The following TNRC6B variants were observed in gnomAD, a reference collection of about 807,000 sequenced individuals.
The protein encoded by TNRC6B is trinucleotide repeat containing adaptor 6B, also known as trinucleotide repeat-containing gene 6B protein.
In TNRC6B, 52 loss-of-function variants were observed where a neutral mutation model predicts 203.6. The ratio of observed to expected loss-of-function variants is 0.26; its 90% CI spans 0.20 to 0.32. The LOEUF (loss-of-function observed/expected upper bound fraction) is 0.32, where lower values mean the gene tolerates loss of function less well. Ranked by LOEUF, TNRC6B falls within the 10% of genes least tolerant of loss-of-function variation. The probability of loss-of-function intolerance (pLI) is 1.00; values close to 1 mark genes in which losing one functional copy is unlikely to be tolerated. For missense variants in TNRC6B, 1,923 were observed against 2,286.2 expected (o/e 0.84, Z 3.24); for synonymous variants, 838 against 845.7 (o/e 0.99, Z 0.16).
intron 3 of TNRC6B, among the ~76,000 whole-genome samples, chr22:40,144,784 T>C (rs1315028568): frequency 2.6e-5 from 4 of 151,926 alleles, no homozygotes; most frequent in African/African-American, 9.7e-5. Context: ...GTACATACTG[T>C]CAGATCCCAG....
intron 1 of TNRC6B, among the ~76,000 whole-genome samples, chr22:40,196,728 C>T (rs1216749422): frequency 6.6e-6 from 1 of 151,924 alleles, no homozygotes; most frequent in African/African-American, 2.4e-5. Context: ...GGTTCAGGCT[C>T]GCAGTTATGA....
At position 40,280,309 on chromosome 22, in the gene TNRC6B, C is replaced by G. The variant is rs113965319; in HGVS notation, c.3411+166C>G. ...GTGACCTGAAAACCATTGATGTCAA[C>G]AGGTGATCAGGCAAGAGCAAGAACC... On this transcript the variant is annotated intron_variant, in intron 10 of 22. Coordinates refer to ENST00000454349, the MANE Select transcript of TNRC6B (RefSeq NM_001162501.2). Among the ~76,000 whole-genome samples the G allele has an allele frequency of 9.8e-5, 15 of 152,314 alleles. 1 individual carries two copies. The highest frequency in any genetic ancestry group is 3.6e-4 in the African/African-American group (15 of 41,558).
At chr22:40,307,415 G>A (rs1286229392) in intron 15 of TNRC6B, among the ~76,000 whole-genome samples, 2 of 152,136 alleles carry the variant, frequency 1.3e-5, no homozygotes, top group Non-Finnish European at 2.9e-5. Flanking sequence ...TGCGCTCCCT[G>A]TGGCTCATTC....
Position 40,308,556 on chromosome 22 carries a change from G to A in TNRC6B, c.4165G>A (p.Glu1389Lys). 6.2e-7 allele frequency: 1 copy of A among 1,613,988 alleles called. No individual in the cohort carries two copies. Among genetic ancestry groups the A allele is most frequent in the Non-Finnish European group, 8.5e-7 (1 of 1,179,902 alleles). ...GMDYGMVGGK[E>K]AGTESRFKQW... ...GGACTATGGCATGGTTGGTGGGAAG[G>A]AGGCTGGAACCGAGTCTCGCTTTAA... is the stretch of plus-strand genomic sequence containing the variant. Residue 1389 changes from glutamate to lysine, a missense_variant, in exon 16 of 23, where the codon GAG becomes AAG. Coordinates refer to ENST00000454349, the MANE Select transcript of TNRC6B (RefSeq NM_001162501.2).
At position 40,156,226 on chromosome 22, in the gene TNRC6B, G is replaced by A. The variant is rs373875345; in HGVS notation, c.113+44G>A. 4.5e-5 allele frequency: 70 copies of A among 1,538,614 alleles called. No homozygotes were observed. The African/African-American group carries it at 5.2e-4, about 11-fold the overall frequency. ...AAAAAGAGTCCTATTACAGATCCTCGGAAACACTTTGGTTCAACATGCTGA... is the reference window on the plus strand; with the variant it reads ...AAAAAGAGTCCTATTACAGATCCTCAGAAACACTTTGGTTCAACATGCTGA... On this transcript the variant is annotated intron_variant, in intron 4 of 23. Coordinates refer to the TNRC6B transcript ENST00000301923.
chr22:40,112,296 C>A (rs554904832), intron 1 of TNRC6B, among the ~76,000 whole-genome samples: 7 of 152,276 alleles, frequency 4.6e-5, no homozygotes, highest in African/African-American at 1.4e-4. Context: ...AGGGACTAAA[C>A]CTGCTCCATG....
intron 3 of TNRC6B, among the ~76,000 whole-genome samples, chr22:40,253,082 T>A (rs914959170): frequency 6.7e-6 from 1 of 149,448 alleles, no homozygotes; most frequent in African/African-American, 2.6e-5. Context: ...TTAGGCATCT[T>A]TTCTTTTTTT....
At chr22:40,077,737 C>G (rs1029743008) in intron 1 of TNRC6B, among the ~76,000 whole-genome samples, 1 of 152,044 alleles carries the variant, frequency 6.6e-6, no homozygotes, top group Non-Finnish European at 1.5e-5. Flanking sequence ...GCTGAGATAA[C>G]CACTGTTAAC....
chr22:40,219,055 G>C (rs1482225520), intron 1 of TNRC6B, among the ~76,000 whole-genome samples: 1 of 152,224 alleles, frequency 6.6e-6, no homozygotes, highest in Non-Finnish European at 1.5e-5. Flanking sequence ...AAGCACAAAA[G>C]TATTAAGTTG....
At chr22:40,263,554 T>G (rs1187653897) in intron 4 of TNRC6B, among the ~76,000 whole-genome samples, 1 of 152,240 alleles carries the variant, frequency 6.6e-6, no homozygotes, top group African/African-American at 2.4e-5. Context: ...TTTCGGTTTC[T>G]ATGCTTTTTA....
intron 17 of TNRC6B, among the ~76,000 whole-genome samples, chr22:40,311,657 T>G (rs1276856038): frequency 6.6e-6 from 1 of 152,032 alleles, no homozygotes; most frequent in Non-Finnish European, 1.5e-5. Flanking sequence ...TTCTCCTGCC[T>G]CAGCCTCCCA....
At chr22:40,123,639 G>A (rs1033922588) in intron 2 of TNRC6B, among the ~76,000 whole-genome samples, 1 of 152,208 alleles carries the variant, frequency 6.6e-6, no homozygotes, top group African/African-American at 2.4e-5. Flanking sequence ...AGACAGTACA[G>A]CACCAGACCA....
intron 1 of TNRC6B, among the ~76,000 whole-genome samples, chr22:40,052,504 C>T (rs1157183044): frequency 2.2e-5 from 3 of 139,166 alleles, no homozygotes; most frequent in Admixed American, 7.7e-5. Context: ...TCACCCAGGC[C>T]GGAGTGCAGT....
chr22:40,107,475 C>T (rs1421038736), intron 1 of TNRC6B, among the ~76,000 whole-genome samples: 1 of 151,906 alleles, frequency 6.6e-6, no homozygotes, highest in Non-Finnish European at 1.5e-5. Flanking sequence ...TGATCTGTCC[C>T]GTCTTGTTAA....
intron 22 of TNRC6B, among the ~76,000 whole-genome samples, chr22:40,322,112 C>T (rs567113281): frequency 5.9e-5 from 9 of 152,206 alleles, no homozygotes; most frequent in Admixed American, 1.3e-4. Context: ...AGCCAGGTTG[C>T]TTCGATGCTT....
At chr22:40,062,001 G>A (rs2067857659) in intron 1 of TNRC6B, among the ~76,000 whole-genome samples, 1 of 152,064 alleles carries the variant, frequency 6.6e-6, no homozygotes, top group Non-Finnish European at 1.5e-5. Flanking sequence ...TTGAATCTGG[G>A]AGGCGGAGGT....
chr22:40,263,268 A>C (rs1018959275), intron 4 of TNRC6B, among the ~76,000 whole-genome samples: 1 of 152,218 alleles, frequency 6.6e-6, no homozygotes, highest in Non-Finnish European at 1.5e-5. Context: ...AGTTTAAACA[A>C]ATAATTGCCT....
At chr22:40,080,019 T>G (rs542299228) in intron 1 of TNRC6B, among the ~76,000 whole-genome samples, 89 of 152,034 alleles carry the variant, frequency 5.9e-4, no homozygotes, top group Admixed American at 1.9e-3. Flanking sequence ...ATGGTCTCGA[T>G]GTCCTGACCT....
chr22:40,295,241 C>T (rs1018987592), intron 12 of TNRC6B, among the ~76,000 whole-genome samples: 2 of 151,986 alleles, frequency 1.3e-5, no homozygotes, highest in Non-Finnish European at 1.5e-5. Context: ...TTCGGGAGTC[C>T]GAGGTGGGTG....
Sources: gnomAD v4.1 joint callset for allele counts (sites outside exome capture counted in the v4.1 genomes callset) on GRCh38, gnomAD v4.1.1 for gene constraint, MANE v1.5 for transcripts, NCBI Gene and HGNC (gene_info 2026-07-23, HGNC 2026-07-21) for gene names.